The following GLCCI1 variants were observed in gnomAD, a reference collection of about 807,000 sequenced individuals.
GLCCI1 encodes the protein glucocorticoid-induced transcript 1 protein.
GLCCI1 carries 24 observed loss-of-function variants against 52.2 expected under a neutral mutation model. The ratio of observed to expected loss-of-function variants is 0.46; its 90% CI spans 0.33 to 0.65. The LOEUF (loss-of-function observed/expected upper bound fraction) is 0.65, where lower values mean the gene tolerates loss of function less well. Among genes scored for constraint, GLCCI1 ranks in the 30% least tolerant of loss-of-function variants. The pLI, the probability that GLCCI1 is intolerant of heterozygous loss-of-function variation, is 0.02. For missense variants in GLCCI1, 704 were observed against 701.5 expected (o/e 1.00, Z -0.04); for synonymous variants, 310 against 276.5 (o/e 1.12, Z -1.20).
At chr7:8,077,897 T>C (rs552899769) in intron 6 of GLCCI1, among the ~76,000 whole-genome samples, 44 of 150,710 alleles carry the variant, frequency 2.9e-4, no homozygotes, top group African/African-American at 7.1e-4. Flanking sequence ...GGTATAGGGG[T>C]GAATGGTGGA....
chr7:8,058,774 C>G (rs545991664), intron 4 of GLCCI1, among the ~76,000 whole-genome samples: 2 of 152,266 alleles, frequency 1.3e-5, no homozygotes, highest in East Asian at 3.9e-4. Flanking sequence ...GGCATTGACC[C>G]TCATGCAGTT....
chr7:7,977,903 C>T (rs1780527768), intron 1 of GLCCI1, among the ~76,000 whole-genome samples: 1 of 152,152 alleles, frequency 6.6e-6, no homozygotes, highest in Non-Finnish European at 1.5e-5. Flanking sequence ...GTCCTGACTT[C>T]AAGATAGCTG....
At position 8,003,999 on chromosome 7, in the gene GLCCI1, A is replaced by G; in HGVS notation, c.549A>G (p.Gly183=). 1.9e-6 allele frequency: 3 copies of G among 1,613,868 alleles called. No individual in the cohort carries two copies. The highest frequency in any genetic ancestry group is 2.5e-6 in the Non-Finnish European group (3 of 1,179,788). Residue 183 remains glycine (G), a synonymous_variant, in exon 2 of 8, where the codon GGA becomes GGG. Transcript: ENST00000223145. ...LDTITGPYLT[G]QWPRDPHVHY... is the part of the protein sequence containing the mutation. ...CAATAACAGGACCTTACCTCACAGG[A>G]CAGTGGCCACGGGATCCTCATGTTC...
chr7:8,056,851 A>G (rs188143781), intron 4 of GLCCI1, among the ~76,000 whole-genome samples: 1 of 152,374 alleles, frequency 6.6e-6, no homozygotes, highest in Admixed American at 6.5e-5. Flanking sequence ...TATTAGTAGC[A>G]TAATTGTTAA....
At position 8,049,935 on chromosome 7, in the gene GLCCI1, T is replaced by G. The variant is rs57643039; in HGVS notation, c.697-5498T>G. Among the ~76,000 whole-genome samples the G allele has an allele frequency of 4.9e-3, 745 of 152,382 alleles. 8 individuals carry two copies. The highest frequency in any genetic ancestry group is 0.017 in the African/African-American group (689 of 41,594). On this transcript the variant is annotated intron_variant, in intron 3 of 7. Transcript: ENST00000223145. ...GCATCAGATGGATTTGTGAACAGTG[T>G]TTTTAAATTTTAGTCTGGTATTAAA...
chr7:7,986,870 TC>T (rs1389197863), intron 1 of GLCCI1, among the ~76,000 whole-genome samples: 8 of 152,186 alleles, frequency 5.3e-5, no homozygotes, highest in Non-Finnish European at 1.2e-4. Context: ...CACTCATTTC[TC>T]CCATCCTTCT....
intron 1 of GLCCI1, among the ~76,000 whole-genome samples, chr7:7,994,371 G>A (rs929372626): frequency 2.0e-5 from 3 of 152,128 alleles, no homozygotes; most frequent in Admixed American, 6.6e-5. Flanking sequence ...TTACATATTA[G>A]AGCAGTCTGA....
intron 1 of GLCCI1, among the ~76,000 whole-genome samples, chr7:7,986,385 G>C (rs35406704): frequency 4.6e-5 from 7 of 151,874 alleles, no homozygotes; most frequent in East Asian, 1.9e-4. Context: ...AGGGGGAGGG[G>C]GGGGTGGCAG....
intron 6 of GLCCI1, among the ~76,000 whole-genome samples, chr7:8,078,043 G>T (rs184492668): frequency 6.6e-6 from 1 of 151,728 alleles, no homozygotes; most frequent in Admixed American, 6.6e-5. Flanking sequence ...GACCATCCTG[G>T]CTAACACGGT....
intron 1 of GLCCI1, among the ~76,000 whole-genome samples, chr7:7,973,185 C>T (rs1256943377): frequency 6.6e-6 from 1 of 152,010 alleles, no homozygotes; most frequent in Non-Finnish European, 1.5e-5. Flanking sequence ...AATGGTAATA[C>T]ATAAAGTCTA....
rs944894238 is a variant in GLCCI1 at position 8,013,095 on chromosome 7, T to C, written c.609+9036T>C. 5.3e-5 allele frequency among the ~76,000 whole-genome samples: 8 copies of C among 152,242 alleles called. No individual in the cohort carries two copies. In the East Asian group the frequency reaches 1.5e-3, roughly 29 times the overall value. On this transcript the variant is annotated intron_variant, in intron 2 of 7. Coordinates refer to ENST00000223145, the MANE Select transcript of GLCCI1 (RefSeq NM_138426.4). ...AATTTACCGTATATGCTAGGGTTTA[T>C]TTCTGGCTGCTGTATTTATCACAGT... is the stretch of plus-strand genomic sequence containing the variant.
intron 1 of GLCCI1, among the ~76,000 whole-genome samples, chr7:8,002,032 A>T (rs1359610436): frequency 6.6e-6 from 1 of 152,182 alleles, no homozygotes; most frequent in Non-Finnish European, 1.5e-5. Flanking sequence ...CCAACATGGC[A>T]CATGTATACC....
chr7:8,013,731 A>T (rs1781317714), intron 2 of GLCCI1, among the ~76,000 whole-genome samples: 1 of 152,064 alleles, frequency 6.6e-6, no homozygotes, highest in Non-Finnish European at 1.5e-5. Context: ...CTTATATCTA[A>T]ATATTTTGTC....
At chr7:7,994,941 AGTGTTT>A (rs1287158586) in intron 1 of GLCCI1, among the ~76,000 whole-genome samples, 17 of 152,160 alleles carry the variant, frequency 1.1e-4, no homozygotes, top group African/African-American at 3.9e-4. Flanking sequence ...ATACACTAAC[AGTGTTT>A]GTGTTTGTGT....
At chr7:7,971,992 A>C (rs1354991641) in intron 1 of GLCCI1, among the ~76,000 whole-genome samples, 1 of 152,064 alleles carries the variant, frequency 6.6e-6, no homozygotes, top group Non-Finnish European at 1.5e-5. Flanking sequence ...TTCCGTGATT[A>C]TATTACTCCT....
intron 3 of GLCCI1, among the ~76,000 whole-genome samples, chr7:8,045,072 G>C (rs968402781): frequency 1.3e-5 from 2 of 152,132 alleles, no homozygotes; most frequent in African/African-American, 4.8e-5. Flanking sequence ...AACATCACCA[G>C]ACTTCTAGAT....
chr7:7,970,221 C>CT (rs1201701729), intron 1 of GLCCI1, among the ~76,000 whole-genome samples: 1 of 152,168 alleles, frequency 6.6e-6, no homozygotes, highest in Non-Finnish European at 1.5e-5. Context: ...CCTAACGTGC[C>CT]TGTAACTACC....
chr7:8,082,763 A>G (rs1217710865), intron 6 of GLCCI1, among the ~76,000 whole-genome samples: 10 of 152,236 alleles, frequency 6.6e-5, no homozygotes, highest in African/African-American at 2.4e-4. Flanking sequence ...AAATATTTTA[A>G]GAAGAAAAAT....
chr7:8,006,010 C>T (rs1026710518), intron 2 of GLCCI1, among the ~76,000 whole-genome samples: 17 of 152,236 alleles, frequency 1.1e-4, no homozygotes, highest in African/African-American at 4.1e-4. Context: ...GTTAGTCAAG[C>T]TGGTCTCGAA....
Sources: allele counts gnomAD v4.1 joint callset (sites outside exome capture counted in the v4.1 genomes callset), GRCh38; gene constraint gnomAD v4.1.1; transcripts MANE v1.5; gene names NCBI Gene and HGNC (gene_info 2026-07-23, HGNC 2026-07-21).